The following PCDH9 variants were observed in gnomAD, a reference collection of about 807,000 sequenced individuals.
PCDH9 encodes protocadherin-9.
Under a neutral mutation model 70.6 loss-of-function variants are expected in PCDH9, and 24 were observed. The ratio of observed to expected loss-of-function variants is 0.34; its 90% confidence interval spans 0.25 to 0.48. The LOEUF (loss-of-function observed/expected upper bound fraction) is 0.48. Among genes scored for constraint, PCDH9 ranks in the 20% least tolerant of loss-of-function variants. The pLI, the probability that PCDH9 is intolerant of heterozygous loss-of-function variation, is 0.99. For synonymous variants in PCDH9, 562 were observed against 558.5 expected, an observed-to-expected ratio of 1.01 and a Z score of -0.09; for missense variants, 1,281 against 1,503.6, an observed-to-expected ratio of 0.85 and a Z score of 2.45.
Position 66,777,177 on chromosome 13 carries a change from C to T in PCDH9, c.3138+126327G>A, listed in dbSNP as rs552684643. ...CATTAGACCTAAAACCATAAAAACC[C>T]TAGAAGAAAAGCTAGGCAATACCAT... On this transcript the variant is annotated intron_variant, in intron 3 of 4. Coordinates refer to ENST00000377865, the MANE Select transcript of PCDH9 (RefSeq NM_203487.3). 2.7e-3 allele frequency among the ~76,000 whole-genome samples: 417 copies of T among 152,078 alleles called. 2 individuals carry two copies. Among genetic ancestry groups the T allele is most frequent in the African/African-American group, 9.6e-3 (398 of 41,486 alleles).
chr13:66,797,239 G>C (rs1338093994), intron 3 of PCDH9, among the ~76,000 whole-genome samples: 2 of 152,016 alleles, frequency 1.3e-5, no homozygotes, highest in Non-Finnish European at 2.9e-5. Context: ...TTGCTCTAAA[G>C]ACTTATTCAA....
At chr13:66,785,650 G>A (rs1594058797) in intron 3 of PCDH9, among the ~76,000 whole-genome samples, 2 of 152,114 alleles carry the variant, frequency 1.3e-5, no homozygotes, top group Middle Eastern at 6.8e-3. Flanking sequence ...TGACATTTCT[G>A]TATATCTATC....
At chr13:66,690,159 T>C (rs1367833717) in intron 3 of PCDH9, among the ~76,000 whole-genome samples, 1 of 152,174 alleles carries the variant, frequency 6.6e-6, no homozygotes, top group Middle Eastern at 3.2e-3. Flanking sequence ...ATAAACACAG[T>C]GCACTAAGTT....
intron 3 of PCDH9, among the ~76,000 whole-genome samples, chr13:66,714,463 CAA>C (rs761478779): frequency 3.7e-5 from 3 of 80,948 alleles, no homozygotes; most frequent in Non-Finnish European, 5.1e-5. Flanking sequence ...GACTCCGTCT[CAA>C]AAAAAAAAAA....
chr13:66,942,873 A>G (rs1356235628), intron 2 of PCDH9, among the ~76,000 whole-genome samples: 1 of 152,136 alleles, frequency 6.6e-6, no homozygotes, highest in Non-Finnish European at 1.5e-5. Flanking sequence ...CCCATAGAAA[A>G]ACTGACCACA....
At chr13:66,528,998 C>T (rs1476458147) in intron 4 of PCDH9, among the ~76,000 whole-genome samples, 1 of 152,076 alleles carries the variant, frequency 6.6e-6, no homozygotes, top group Non-Finnish European at 1.5e-5. Flanking sequence ...TCTTCTCTAG[C>T]AAAGTCTTAT....
intron 2 of PCDH9, among the ~76,000 whole-genome samples, chr13:67,059,724 TTC>T (rs1265759172): frequency 6.6e-6 from 1 of 151,904 alleles, no homozygotes; most frequent in Non-Finnish European, 1.5e-5. Flanking sequence ...ATGCATTTAT[TTC>T]TGTTGTGACA....
chr13:66,984,631 C>G (rs76970188), intron 2 of PCDH9, among the ~76,000 whole-genome samples: 2,605 of 152,234 alleles, frequency 0.017, 77 homozygotes, highest in African/African-American at 0.06. Flanking sequence ...GAATCTTACA[C>G]ATTGGTTAGT....
intron 2 of PCDH9, among the ~76,000 whole-genome samples, chr13:66,968,295 T>C (rs2083462812): frequency 6.6e-6 from 1 of 152,024 alleles, no homozygotes; most frequent in Middle Eastern, 3.2e-3. Context: ...AAACATTACA[T>C]TATCTTCAAG....
At position 66,660,951 on chromosome 13, in the gene PCDH9, C is replaced by T. The variant is rs544656416; in HGVS notation, c.3139-29540G>A. On this transcript the variant is annotated intron_variant, in intron 3 of 4. Coordinates refer to ENST00000377865, the MANE Select transcript of PCDH9 (RefSeq NM_203487.3). ...TATTTACAATATGCTATTAGTAGTA[C>T]ATTATAAATATCTGAAATCTAAAAC... is the stretch of plus-strand genomic sequence containing the variant. Among the ~76,000 whole-genome samples the T allele has an allele frequency of 7.3e-4, 111 of 151,740 alleles. 1 individual carries two copies. The highest frequency in any genetic ancestry group is 2.6e-3 in the African/African-American group (107 of 41,372).
intron 3 of PCDH9, among the ~76,000 whole-genome samples, chr13:66,867,484 T>C (rs548127898): frequency 1.3e-3 from 192 of 152,244 alleles, no homozygotes; most frequent in Non-Finnish European, 1.4e-3. Flanking sequence ...AATATTTTCA[T>C]ATGAATGATC....
At chr13:66,587,969 A>G (rs929523245) in intron 4 of PCDH9, among the ~76,000 whole-genome samples, 2 of 152,022 alleles carry the variant, frequency 1.3e-5, no homozygotes, top group African/African-American at 4.8e-5. Context: ...GCTCACCTCT[A>G]AGATATCTCT....
intron 4 of PCDH9, among the ~76,000 whole-genome samples, chr13:66,430,119 A>C (rs1957745154): frequency 1.3e-5 from 2 of 152,118 alleles, no homozygotes; most frequent in Admixed American, 1.3e-4. Context: ...TTATAAAAGT[A>C]ATACATGCTT....
chr13:67,130,247 T>G (rs933551733), intron 2 of PCDH9, among the ~76,000 whole-genome samples: 25 of 152,310 alleles, frequency 1.6e-4, no homozygotes, highest in African/African-American at 5.8e-4. Context: ...TTCAATGTAT[T>G]TCTGATACCA....
chr13:67,166,728 C>A (rs1195029936), intron 2 of PCDH9, among the ~76,000 whole-genome samples: 1 of 152,082 alleles, frequency 6.6e-6, no homozygotes, highest in Non-Finnish European at 1.5e-5. Context: ...AAATAAAGTT[C>A]TTTCCATAGC....
At chr13:66,548,390 C>A (rs1961314362) in intron 4 of PCDH9, among the ~76,000 whole-genome samples, 1 of 151,844 alleles carries the variant, frequency 6.6e-6, no homozygotes, top group Non-Finnish European at 1.5e-5. Context: ...TATGGTGACA[C>A]CCTGTGTCCA....
At chr13:67,075,592 A>G (rs1404272627) in intron 2 of PCDH9, among the ~76,000 whole-genome samples, 2 of 152,074 alleles carry the variant, frequency 1.3e-5, no homozygotes, top group East Asian at 3.9e-4. Flanking sequence ...TTAAAATTTT[A>G]CTATCTCTTT....
chr13:66,642,108 T>C (rs939588027), intron 3 of PCDH9, among the ~76,000 whole-genome samples: 6 of 152,124 alleles, frequency 3.9e-5, no homozygotes, highest in Admixed American at 2.6e-4. Flanking sequence ...GGTATCTATA[T>C]ATTCATGTAA....
chr13:66,728,126 A>G (rs923422170), intron 3 of PCDH9, among the ~76,000 whole-genome samples: 5 of 152,146 alleles, frequency 3.3e-5, no homozygotes, highest in African/African-American at 1.2e-4. Flanking sequence ...ATTTAATGAT[A>G]TTTGCCATAG....
Sources: allele counts gnomAD v4.1 joint callset (sites outside exome capture counted in the v4.1 genomes callset), GRCh38; gene constraint gnomAD v4.1.1; transcripts MANE v1.5; gene names NCBI Gene and HGNC (gene_info 2026-07-23, HGNC 2026-07-21).